Variants in TF observed in about 807,000 individuals in gnomAD.
TF encodes the protein transferrin.
A neutral mutation model predicts 82.4 loss-of-function variants in TF; 55 were observed. The ratio of observed to expected loss-of-function variants is 0.67; its 90% confidence interval spans 0.54 to 0.84. The LOEUF (loss-of-function observed/expected upper bound fraction) is 0.84, where lower values mean the gene tolerates loss of function less well. Among genes scored for constraint, TF ranks in the 40% least tolerant of loss-of-function variants. The pLI, the probability that TF is intolerant of heterozygous loss-of-function variation, is 0.00. For missense variants in TF, 737 were observed against 868.4 expected (o/e 0.85, Z 1.90); for synonymous variants, 332 against 332.6 (o/e 1.00, Z 0.02).
At chr3:133,681,016 A>G in the TF span, among the ~76,000 whole-genome samples, 6 of 152,232 alleles carry the variant, frequency 3.9e-5, no homozygotes, top group African/African-American at 1.4e-4. Flanking sequence ...TTATTATTGT[A>G]AACTTCACCT....
chr3:133,734,302 G>A, the TF span, among the ~76,000 whole-genome samples: 5 of 152,138 alleles, frequency 3.3e-5, no homozygotes, highest in Non-Finnish European at 5.9e-5. Flanking sequence ...GGTTACGTCC[G>A]TCACCTTAGA....
At chr3:133,692,760 C>T in the TF span, 2 of 152,324 alleles carry the variant, frequency 1.3e-5, no homozygotes, top group Admixed American at 1.3e-4. Flanking sequence ...TTATTCCTCT[C>T]GGCTCCTTTG....
chr3:133,719,587 G>A, the TF span, among the ~76,000 whole-genome samples: 2 of 152,088 alleles, frequency 1.3e-5, no homozygotes, highest in African/African-American at 4.8e-5. Context: ...GATTGTTTTG[G>A]CTATTTGGGG....
the TF span, among the ~76,000 whole-genome samples, chr3:133,679,936 C>T: frequency 6.6e-6 from 1 of 152,178 alleles, no homozygotes; most frequent in Non-Finnish European, 1.5e-5. Context: ...TGCACCATGT[C>T]CTGCCAGTGC....
the TF span, among the ~76,000 whole-genome samples, chr3:133,733,237 C>G: frequency 6.6e-6 from 1 of 151,760 alleles, no homozygotes; most frequent in Non-Finnish European, 1.5e-5. Context: ...CCTTTCCACT[C>G]CCGAGCATCT....
At chr3:133,764,155 C>G (rs762781859) in intron 9 of TF, 27 bp from the exon 10 acceptor site, 1 of 1,600,194 alleles carries the variant, frequency 6.2e-7, no homozygotes, top group South Asian at 1.1e-5. Flanking sequence ...CTCTTTTCAT[C>G]TGCTGTGATT....
chr3:133,682,083 C>A, the TF span, among the ~76,000 whole-genome samples: 2 of 152,208 alleles, frequency 1.3e-5, no homozygotes, highest in Non-Finnish European at 2.9e-5. Context: ...GATACCCAGG[C>A]AAACAGGGTC....
At chr3:133,713,889 T>A in the TF span, among the ~76,000 whole-genome samples, 23 of 152,150 alleles carry the variant, frequency 1.5e-4, no homozygotes, top group African/African-American at 5.3e-4. Context: ...AAGCCACACA[T>A]AATACCTGTC....
the TF span, among the ~76,000 whole-genome samples, chr3:133,734,520 C>A: frequency 1.6e-5 from 2 of 126,874 alleles, no homozygotes; most frequent in South Asian, 2.9e-4. Flanking sequence ...CTGGCTATAA[C>A]CCACCAAACA....
At chr3:133,718,068 G>T in the TF span, among the ~76,000 whole-genome samples, 1 of 152,044 alleles carries the variant, frequency 6.6e-6, no homozygotes, top group Non-Finnish European at 1.5e-5. Context: ...GATGGGCAAG[G>T]GTCCAGGAGA....
In TF at chr3:133,754,624, GCT is replaced by G; in HGVS notation, c.456_457del (p.Leu153ThrfsTer4). ...TCCGCTGGGTGGAACATCCCCATAG[GCT>G]TACTTTACTGTGACTTACCTGAGCC... is the stretch of plus-strand genomic sequence containing the variant. On this transcript the variant is annotated frameshift_variant, in exon 4 of 17. Transcript: ENST00000402696. LOFTEE classifies it high-confidence loss of function. The G allele has an allele frequency of 6.2e-7, 1 of 1,614,168 alleles. No homozygotes were observed. Among genetic ancestry groups the G allele is most frequent in the Non-Finnish European group, 8.5e-7 (1 of 1,180,026 alleles).
intron 6 of TF, 121 bp downstream of exon 6, chr3:133,756,458 C>A: frequency 1.7e-6 from 2 of 1,181,590 alleles, no homozygotes; most frequent in Non-Finnish European, 2.5e-6. Flanking sequence ...TTATCATTGC[C>A]TGGGTTTCCA....
In TF at chr3:133,754,560, C is replaced by G; in HGVS notation, c.391C>G (p.Leu131Val). 1 of 1,614,226 alleles carries G rather than the reference C, an allele frequency of 6.2e-7. No individual in the cohort carries two copies. The highest frequency in any genetic ancestry group is 8.5e-7 in the Non-Finnish European group (1 of 1,180,052). ...KKDSGFQMNQ[L>V]RGKKSCHTGL... ...GGATAGTGGCTTCCAGATGAACCAG[C>G]TTCGAGGCAAGAAGTCCTGCCACAC... is the stretch of plus-strand genomic sequence containing the variant. The change falls in exon 4 of 17, where the codon CTT becomes GTT. Residue 131 changes from leucine (L) to valine (V), a missense_variant. Transcript: ENST00000402696.
the TF span, among the ~76,000 whole-genome samples, chr3:133,718,037 A>G: frequency 1.3e-5 from 2 of 151,888 alleles, no homozygotes; most frequent in Non-Finnish European, 2.9e-5. Flanking sequence ...ACGTTTAATC[A>G]TGAGTGAGTC....
chr3:133,737,509 T>TA, the TF span, among the ~76,000 whole-genome samples: 5 of 151,970 alleles, frequency 3.3e-5, no homozygotes, highest in East Asian at 9.7e-4. Context: ...AAAAAACCCT[T>TA]AAAAAAATCA....
the TF span, among the ~76,000 whole-genome samples, chr3:133,696,985 T>C: frequency 6.6e-6 from 1 of 152,238 alleles, no homozygotes; most frequent in African/African-American, 2.4e-5. Flanking sequence ...GCTAAGCTCA[T>C]TTTTATAATG....
chr3:133,744,930 C>G (rs73217213), upstream of TF, among the ~76,000 whole-genome samples: 1 of 152,274 alleles, frequency 6.6e-6, no homozygotes, highest in Non-Finnish European at 1.5e-5. Context: ...TGGAGCCTTT[C>G]AGGTGTCCTA....
At chr3:133,770,675 A>G (rs998122958) in intron 14 of TF, 103 bp downstream of exon 14, 7 of 1,179,368 alleles carry the variant, frequency 5.9e-6, no homozygotes, top group Non-Finnish European at 7.7e-6. Context: ...GTACACTGTC[A>G]GACTTCAAAG....
chr3:133,674,455 T>A, the TF span, among the ~76,000 whole-genome samples: 33 of 152,310 alleles, frequency 2.2e-4, 1 homozygote, highest in African/African-American at 6.0e-4. Context: ...AGCTGCTCGC[T>A]GGCTGCCCCA....
Sources: gnomAD v4.1 joint callset for allele counts (sites outside exome capture counted in the v4.1 genomes callset) on GRCh38, gnomAD v4.1.1 for gene constraint, MANE v1.5 for transcripts, NCBI Gene and HGNC (gene_info 2026-07-23, HGNC 2026-07-21) for gene names.